Variants in RYR3 observed in about 807,000 individuals in gnomAD.
The protein encoded by RYR3 is ryanodine receptor 3, also known as brain ryanodine receptor-calcium release channel.
Under a neutral mutation model 584.3 loss-of-function variants are expected in RYR3, and 207 were observed. That is an observed-to-expected ratio of 0.35 (90% confidence interval 0.32 to 0.40). The LOEUF is 0.40. Among genes scored for constraint, RYR3 ranks in the 10% least tolerant of loss-of-function variants. RYR3 has a pLI of 1.00. For synonymous variants in RYR3, 2,416 were observed against 2,248.5 expected (o/e 1.07, Z -2.11); for missense variants, 5,616 against 6,089.2 (o/e 0.92, Z 2.59).
intron 19 of RYR3, among the ~76,000 whole-genome samples, chr15:33,616,776 C>T (rs76247605): frequency 0.013 from 1,967 of 152,264 alleles, 47 homozygotes; most frequent in African/African-American, 0.044. Context: ...CTGATATATT[C>T]CTGGCTTCGG....
At position 33,857,168 on chromosome 15, in the gene RYR3, G is replaced by T. The variant is rs570105862; in HGVS notation, c.14008-612G>T. 3.9e-5 allele frequency among the ~76,000 whole-genome samples: 6 copies of T among 152,248 alleles called. No homozygotes were observed. The South Asian group carries it at 1.2e-3, about 32-fold the overall frequency. On this transcript the variant is annotated intron_variant, in intron 98 of 103. Coordinates refer to ENST00000634891, the MANE Select transcript of RYR3 (RefSeq NM_001036.6). ...TGGGCTGCCAGAACGAAGTACTACA[G>T]ACTGCTATTTTGTTAAACAACAGAA...
intron 12 of RYR3, among the ~76,000 whole-genome samples, chr15:33,577,540 G>T (rs1332549760): frequency 2.6e-5 from 4 of 152,156 alleles, no homozygotes. Flanking sequence ...TTTAATAAAT[G>T]ATGCTGGGAG....
chr15:33,416,517 C>A (rs35784031), intron 1 of RYR3, among the ~76,000 whole-genome samples: 1 of 151,990 alleles, frequency 6.6e-6, no homozygotes, highest in African/African-American at 2.4e-5. Flanking sequence ...GTCTGTCCTT[C>A]GCTTACTTTT....
intron 16 of RYR3, among the ~76,000 whole-genome samples, chr15:33,589,792 A>C (rs544261014): frequency 1.5e-4 from 23 of 152,262 alleles, no homozygotes; most frequent in African/African-American, 5.3e-4. Context: ...CTTTATTTCT[A>C]AGTTCTCTAT....
intron 18 of RYR3, 134 bp downstream of exon 18, chr15:33,603,498 G>A: frequency 3.1e-6 from 3 of 958,166 alleles, no homozygotes; most frequent in Non-Finnish European, 3.1e-6. Flanking sequence ...ACGGTTAGGT[G>A]GAAAAGAGTA....
chr15:33,378,331 C>T (rs746438393), intron 1 of RYR3, among the ~76,000 whole-genome samples: 5 of 152,188 alleles, frequency 3.3e-5, no homozygotes, highest in Admixed American at 6.5e-5. Flanking sequence ...GTCCCCTCTG[C>T]CTGTCCCAGC....
At chr15:33,780,065 A>G (rs2074289669) in intron 64 of RYR3, 146 bp from the exon 65 acceptor site, 4 of 811,818 alleles carry the variant, frequency 4.9e-6, no homozygotes, top group African/African-American at 3.5e-5. Context: ...GTCTAGAGAA[A>G]GAGGAGGGGA....
chr15:33,480,393 C>T (rs2049849753), intron 2 of RYR3, among the ~76,000 whole-genome samples: 1 of 152,210 alleles, frequency 6.6e-6, no homozygotes, highest in African/African-American at 2.4e-5. Context: ...TACAGCAGTT[C>T]CTAACACATC....
intron 1 of RYR3, among the ~76,000 whole-genome samples, chr15:33,352,962 C>T (rs113769365): frequency 5.9e-5 from 9 of 152,232 alleles, no homozygotes; most frequent in East Asian, 1.9e-4. Flanking sequence ...AAATCTACCC[C>T]GGACCTAACA....
At position 33,838,629 on chromosome 15, in the gene RYR3, G is replaced by A; in HGVS notation, c.12649G>A (p.Gly4217Arg). The change falls in exon 89 of 104, where the codon GGG becomes AGG. Residue 4217 changes from glycine to arginine, a missense_variant. By Grantham distance (125) the Gly-to-Arg change is moderately radical. Coordinates refer to ENST00000634891, the MANE Select transcript of RYR3 (RefSeq NM_001036.6). ...GATCCTCTGGAGCACAGTGTTTGGAGGGGGCCTGGTAGAAGGGGCAAAGAA... is the reference window on the plus strand; with the variant it reads ...GATCCTCTGGAGCACAGTGTTTGGAAGGGGCCTGGTAGAAGGGGCAAAGAA... ...FQILWSTVFG[G>R]GLVEGAKNIR... The A allele has an allele frequency of 6.2e-7, 1 of 1,613,892 alleles. No homozygotes were observed. The highest frequency in any genetic ancestry group is 8.5e-7 in the Non-Finnish European group (1 of 1,179,848).
chr15:33,765,668 A>T (rs2072988007), intron 60 of RYR3, among the ~76,000 whole-genome samples: 1 of 151,674 alleles, frequency 6.6e-6, no homozygotes, highest in African/African-American at 2.4e-5. Flanking sequence ...AAATAGTCTA[A>T]ATAGTCTAAA....
At chr15:33,656,109 G>A (rs966896486) in intron 32 of RYR3, among the ~76,000 whole-genome samples, 3 of 152,218 alleles carry the variant, frequency 2.0e-5, no homozygotes, top group Non-Finnish European at 2.9e-5. Flanking sequence ...TGAGACACAG[G>A]CAGCTATGAG....
intron 15 of RYR3, 112 bp from the exon 16 acceptor site, chr15:33,585,886 T>A (rs764576297): frequency 2.0e-5 from 13 of 637,414 alleles, no homozygotes; most frequent in Non-Finnish European, 3.7e-5. Context: ...ATTCAAAGAA[T>A]TGACGATATC....
At chr15:33,704,378 A>C (rs935067775) in intron 42 of RYR3, among the ~76,000 whole-genome samples, 1 of 152,122 alleles carries the variant, frequency 6.6e-6, no homozygotes. Flanking sequence ...CTGCAAACGG[A>C]GTAAGTGAAA....
chr15:33,559,175 T>TG (rs1440319313), intron 10 of RYR3, among the ~76,000 whole-genome samples: 6 of 152,144 alleles, frequency 3.9e-5, no homozygotes, highest in Non-Finnish European at 8.8e-5. Context: ...GATGAGTCCT[T>TG]GACCATTTTA....
intron 1 of RYR3, among the ~76,000 whole-genome samples, chr15:33,312,451 G>A (rs573889065): frequency 1.3e-5 from 2 of 152,006 alleles, no homozygotes; most frequent in African/African-American, 4.8e-5. Context: ...TTCATCCTTC[G>A]TCTGACCTGC....
intron 1 of RYR3, among the ~76,000 whole-genome samples, chr15:33,442,983 G>A (rs1041852662): frequency 6.6e-6 from 1 of 152,214 alleles, no homozygotes; most frequent in Non-Finnish European, 1.5e-5. Flanking sequence ...ACAAGGCCAG[G>A]TGCAGTGGCT....
At chr15:33,690,582 C>G (rs897040194) in intron 38 of RYR3, among the ~76,000 whole-genome samples, 2 of 152,172 alleles carry the variant, frequency 1.3e-5, no homozygotes, top group Non-Finnish European at 2.9e-5. Context: ...CTGTAGCTTT[C>G]TAGGTTCATG....
intron 38 of RYR3, among the ~76,000 whole-genome samples, chr15:33,687,801 A>C (rs1442534494): frequency 2.6e-5 from 4 of 152,264 alleles, no homozygotes; most frequent in Non-Finnish European, 5.9e-5. Flanking sequence ...TGACAAAAAC[A>C]GGAAATGGGG....
Sources: allele counts gnomAD v4.1 joint callset (sites outside exome capture counted in the v4.1 genomes callset), GRCh38; gene constraint gnomAD v4.1.1; transcripts MANE v1.5; gene names NCBI Gene and HGNC (gene_info 2026-07-23, HGNC 2026-07-21).